The following ADAMTS17 variants were observed in gnomAD, a reference collection of about 807,000 sequenced individuals.
ADAMTS17 encodes ADAM metallopeptidase with thrombospondin type 1 motif 17, also known as A disintegrin and metalloproteinase with thrombospondin motifs 17.
ADAMTS17 carries 113 observed loss-of-function variants against 141.5 expected under a neutral mutation model. That is an observed-to-expected ratio of 0.80 (90% confidence interval 0.69 to 0.93). The LOEUF (loss-of-function observed/expected upper bound fraction) is 0.93, where lower values mean the gene tolerates loss of function less well. Among genes scored for constraint, ADAMTS17 ranks in the 40% least tolerant of loss-of-function variants. The pLI, the probability that ADAMTS17 is intolerant of heterozygous loss-of-function variation, is 0.00. For synonymous variants in ADAMTS17, 768 were observed against 630.6 expected, an observed-to-expected ratio of 1.22 and a Z score of -3.27; for missense variants, 1,659 against 1,517.9, an observed-to-expected ratio of 1.09 and a Z score of -1.54.
Position 100,341,823 on chromosome 15 carries a change from G to C in ADAMTS17, c.77C>G (p.Thr26Arg). 1.3e-6 allele frequency: 2 copies of C among 1,551,216 alleles called. No homozygotes were observed. The highest frequency in any genetic ancestry group is 2.0e-5 in the Admixed American group (1 of 51,148). The change falls in exon 1 of 22, where the codon ACA becomes AGA. Residue 26 changes from threonine to arginine, a missense_variant and splice_region_variant. Thr to Arg is a moderately conservative substitution (Grantham distance 71). Coordinates refer to ENST00000268070, the MANE Select transcript of ADAMTS17 (RefSeq NM_139057.4). Reference sequence around the variant, plus strand: ...AGGGCTGTGGGAGGGGGCGCTACCTGTGCCCGGGTCCAGTCCCCAAACCAG... The same window carrying C: ...AGGGCTGTGGGAGGGGGCGCTACCTCTGCCCGGGTCCAGTCCCCAAACCAG... ...LLLVWGLDPGTAVGDAAADVE... is the reference protein window; with the variant it reads ...LLLVWGLDPGRAVGDAAADVE...
intron 15 of ADAMTS17, among the ~76,000 whole-genome samples, chr15:100,085,918 C>T (rs1362897437): frequency 6.6e-6 from 1 of 152,028 alleles, no homozygotes; most frequent in African/African-American, 2.4e-5. Context: ...ACCATCAAGG[C>T]TAGGAAGAAA....
intron 18 of ADAMTS17, among the ~76,000 whole-genome samples, chr15:100,038,898 T>C (rs1033724665): frequency 3.9e-5 from 6 of 152,230 alleles, no homozygotes; most frequent in African/African-American, 2.4e-5. Context: ...CTCCTGATCT[T>C]TGGAGAAAAG....
At chr15:100,028,602 G>A (rs932472523) in intron 18 of ADAMTS17, among the ~76,000 whole-genome samples, 7 of 152,310 alleles carry the variant, frequency 4.6e-5, no homozygotes, top group Non-Finnish European at 7.3e-5. Flanking sequence ...CTCTTAGCTC[G>A]CATCATTCTC....
At position 100,264,328 on chromosome 15, in the gene ADAMTS17, T is replaced by G. The variant is rs150924766; in HGVS notation, c.790-1893A>C. On this transcript the variant is annotated intron_variant, in intron 4 of 21. Coordinates refer to ENST00000268070, the MANE Select transcript of ADAMTS17 (RefSeq NM_139057.4). ...CATCCAATGGCTGTAATTCAAATTT[T>G]CCTTAAAATATTCAGCATCAGAATT... Among the ~76,000 whole-genome samples the G allele has an allele frequency of 3.9e-5, 6 of 152,256 alleles. No homozygotes were observed. The East Asian group carries it at 1.2e-3, about 29-fold the overall frequency.
intron 7 of ADAMTS17, among the ~76,000 whole-genome samples, chr15:100,237,881 C>T (rs1018450758): frequency 1.3e-5 from 2 of 152,228 alleles, no homozygotes; most frequent in African/African-American, 4.8e-5. Flanking sequence ...ACCTCGGTCT[C>T]CCAAAGTGCT....
chr15:100,319,853 C>G (rs149083344), intron 3 of ADAMTS17, among the ~76,000 whole-genome samples: 3,634 of 152,182 alleles, frequency 0.024, 147 homozygotes, highest in African/African-American at 0.076. Flanking sequence ...TTGCTTGAAC[C>G]CAGGAAGCAG....
intron 17 of ADAMTS17, among the ~76,000 whole-genome samples, chr15:100,050,992 G>A (rs954972818): frequency 6.6e-6 from 1 of 152,232 alleles, no homozygotes; most frequent in African/African-American, 2.4e-5. Context: ...GGCTCACCCT[G>A]TGGACCCTGC....
rs149434438 is a variant in ADAMTS17, at chr15:99,976,051, G to T, written c.3121C>A (p.Arg1041Ser). The change falls in exon 21 of 22, where the codon CGC (arginine) becomes AGC (serine). Residue 1041 changes from arginine (R) to serine (S), a missense_variant. By Grantham distance (110) the Arg-to-Ser change is moderately radical (BLOSUM62 -1). Coordinates refer to ENST00000268070, the MANE Select transcript of ADAMTS17 (RefSeq NM_139057.4). Reference sequence around the variant, plus strand: ...GGCCAGTGAAGACACTCACCAAGGCGGGGGGAGGTGATGGTGTTGGCGTTG... The same window carrying T: ...GGCCAGTGAAGACACTCACCAAGGCTGGGGGAGGTGATGGTGTTGGCGTTG... ...RINANTITSP[R>S]LAALTYKCTR... 1.7e-5 allele frequency: 27 copies of T among 1,550,130 alleles called. No homozygotes were observed. Among genetic ancestry groups the T allele is most frequent in the Admixed American group, 1.6e-4 (8 of 50,926 alleles).
intron 18 of ADAMTS17, among the ~76,000 whole-genome samples, chr15:100,007,490 G>C (rs551935433): frequency 6.6e-6 from 1 of 151,792 alleles, no homozygotes; most frequent in African/African-American, 2.4e-5. Context: ...GCACGATCTC[G>C]ACTCACTGCA....
At chr15:100,201,149 T>C (rs1231223432) in intron 7 of ADAMTS17, among the ~76,000 whole-genome samples, 3 of 152,216 alleles carry the variant, frequency 2.0e-5, no homozygotes, top group Non-Finnish European at 4.4e-5. Flanking sequence ...GTGGTCCCTC[T>C]GATGTGGTGT....
At chr15:100,315,193 T>C (rs1334292511) in intron 3 of ADAMTS17, among the ~76,000 whole-genome samples, 1 of 152,172 alleles carries the variant, frequency 6.6e-6, no homozygotes, top group Non-Finnish European at 1.5e-5. Flanking sequence ...GGCGGGACCT[T>C]CGTCCTCTGC....
intron 20 of ADAMTS17, among the ~76,000 whole-genome samples, chr15:99,990,177 G>A (rs1029470418): frequency 6.6e-6 from 1 of 152,108 alleles, no homozygotes; most frequent in Non-Finnish European, 1.5e-5. Context: ...CTAAGACTAT[G>A]GGCATGTGCC....
chr15:100,222,647 C>T (rs928175951), intron 7 of ADAMTS17, among the ~76,000 whole-genome samples: 2 of 152,184 alleles, frequency 1.3e-5, no homozygotes, highest in Non-Finnish European at 2.9e-5. Flanking sequence ...ACTTCTCCAC[C>T]GGAAAAGTCT....
At chr15:100,027,514 CT>C (rs2061537927) in intron 18 of ADAMTS17, among the ~76,000 whole-genome samples, 1 of 152,236 alleles carries the variant, frequency 6.6e-6, no homozygotes, top group Non-Finnish European at 1.5e-5. Flanking sequence ...CAAATCCTCC[CT>C]GATACTTGTC....
chr15:100,086,852 G>A (rs918584759), intron 15 of ADAMTS17, among the ~76,000 whole-genome samples: 4 of 151,928 alleles, frequency 2.6e-5, no homozygotes, highest in African/African-American at 9.7e-5. Context: ...GTGTGTAGAG[G>A]GAAATTTATA....
chr15:99,995,976 T>C (rs557139944), intron 19 of ADAMTS17, among the ~76,000 whole-genome samples: 1 of 152,130 alleles, frequency 6.6e-6, no homozygotes, highest in Non-Finnish European at 1.5e-5. Flanking sequence ...GTAGAGATCT[T>C]CAGGGCTGTA....
intron 3 of ADAMTS17, among the ~76,000 whole-genome samples, chr15:100,284,463 A>G (rs955503391): frequency 6.6e-5 from 10 of 152,198 alleles, no homozygotes; most frequent in African/African-American, 2.2e-4. Context: ...AGTGCAGGGC[A>G]GAGCTTGCCA....
intron 15 of ADAMTS17, among the ~76,000 whole-genome samples, chr15:100,077,283 CAAAAAAAAAAA>C (rs71151934): frequency 6.2e-4 from 34 of 54,602 alleles, no homozygotes; most frequent in Admixed American, 1.9e-3. Context: ...ATCTCTACCA[CAAAAAAAAAAA>C]AAAAAAAAAA....
At chr15:100,317,586 G>A (rs551299264) in intron 3 of ADAMTS17, among the ~76,000 whole-genome samples, 1 of 152,170 alleles carries the variant, frequency 6.6e-6, no homozygotes, top group Admixed American at 6.5e-5. Context: ...CTGTGCTCTC[G>A]CAGGGCACGC....
Sources: allele counts gnomAD v4.1 joint callset (sites outside exome capture counted in the v4.1 genomes callset), GRCh38; gene constraint gnomAD v4.1.1; transcripts MANE v1.5; gene names NCBI Gene and HGNC (gene_info 2026-07-23, HGNC 2026-07-21).